PTPRD: variants seen among roughly 807,000 people sequenced by gnomAD.
PTPRD encodes the protein protein tyrosine phosphatase receptor type D.
PTPRD carries 34 observed loss-of-function variants against 214.5 expected under a neutral mutation model. The ratio of observed to expected loss-of-function variants is 0.16; its 90% CI spans 0.12 to 0.21. The LOEUF (loss-of-function observed/expected upper bound fraction) is 0.21. PTPRD is among the 10% of genes least tolerant of loss of function. The pLI, the probability that PTPRD is intolerant of heterozygous loss-of-function variation, is 1.00. For missense variants in PTPRD, 2,545 were observed against 2,398.7 expected, an observed-to-expected ratio of 1.06 and a Z score of -1.27; for synonymous variants, 1,128 against 845.7, an observed-to-expected ratio of 1.33 and a Z score of -5.79.
At chr9:10,044,340 T>C (rs2097351335) in intron 3 of PTPRD, among the ~76,000 whole-genome samples, 1 of 151,810 alleles carries the variant, frequency 6.6e-6, no homozygotes, top group South Asian at 2.1e-4. Context: ...TTCTTTATAT[T>C]TAAAAATTGT....
intron 12 of PTPRD, among the ~76,000 whole-genome samples, chr9:8,694,107 G>C (rs1251822389): frequency 2.6e-5 from 4 of 152,176 alleles, no homozygotes; most frequent in Non-Finnish European, 5.9e-5. Context: ...GTGAAAACAT[G>C]ATTTAACAAT....
intron 11 of PTPRD, among the ~76,000 whole-genome samples, chr9:8,948,529 ATT>A (rs1225701144): frequency 2.1e-5 from 1 of 47,128 alleles, no homozygotes; most frequent in African/African-American, 7.2e-5. Context: ...TTATATATAT[ATT>A]TATATATATA....
rs564337274 is a variant in PTPRD at position 9,690,800 on chromosome 9, C to T, written c.-287+43733G>A. Among the ~76,000 whole-genome samples the T allele has an allele frequency of 2.6e-5, 4 of 151,926 alleles. No individual in the cohort carries two copies. The South Asian group carries it at 6.2e-4, about 24-fold the overall frequency. ...AAATGTGTGGACTTATTTCTGGTCT[C>T]TATTCTGTTTCATTGGTGTATGTGT... On this transcript the variant is annotated intron_variant, in intron 7 of 45. Transcript: ENST00000381196.
At chr9:8,918,056 A>T (rs959661287) in intron 11 of PTPRD, among the ~76,000 whole-genome samples, 2 of 152,182 alleles carry the variant, frequency 1.3e-5, no homozygotes, top group Non-Finnish European at 2.9e-5. Context: ...TTAAGGGGAC[A>T]TCTGTTGGGA....
At chr9:9,429,081 C>T (rs1218490059) in intron 8 of PTPRD, among the ~76,000 whole-genome samples, 2 of 151,930 alleles carry the variant, frequency 1.3e-5, no homozygotes, top group African/African-American at 2.4e-5. Flanking sequence ...AAAAGAGACA[C>T]AAAAAACCCT....
chr9:9,154,341 C>A (rs866185691), intron 10 of PTPRD, among the ~76,000 whole-genome samples: 8 of 152,268 alleles, frequency 5.3e-5, no homozygotes, highest in Admixed American at 6.5e-5. Flanking sequence ...CATTTGTTTT[C>A]TCACACTTTT....
chr9:9,652,374 G>T (rs560109005), intron 7 of PTPRD, among the ~76,000 whole-genome samples: 22 of 152,246 alleles, frequency 1.4e-4, no homozygotes, highest in African/African-American at 5.3e-4. Context: ...ATGTAATTAT[G>T]TGTCCTTTTA....
chr9:9,798,081 G>A (rs1000528086), intron 5 of PTPRD, among the ~76,000 whole-genome samples: 5 of 151,940 alleles, frequency 3.3e-5, no homozygotes, highest in Non-Finnish European at 5.9e-5. Flanking sequence ...GACAAGGAAG[G>A]GAAATAAAAC....
chr9:10,257,081 A>C (rs2093340332), intron 3 of PTPRD, among the ~76,000 whole-genome samples: 1 of 152,024 alleles, frequency 6.6e-6, no homozygotes, highest in South Asian at 2.1e-4. Flanking sequence ...TACAGACAAA[A>C]AATGTTAATT....
intron 14 of PTPRD, among the ~76,000 whole-genome samples, chr9:8,579,893 A>G (rs1467435465): frequency 6.6e-6 from 1 of 152,192 alleles, no homozygotes; most frequent in Non-Finnish European, 1.5e-5. Flanking sequence ...CCTGGTGACC[A>G]GGCTAAACAG....
chr9:10,364,717 G>C (rs773079540), intron 2 of PTPRD, among the ~76,000 whole-genome samples: 8 of 152,072 alleles, frequency 5.3e-5, no homozygotes, highest in Non-Finnish European at 1.0e-4. Context: ...CAGGGAAGTG[G>C]GGCATGGTCT....
rs979750595 is a variant in PTPRD at position 10,612,802 on chromosome 9, G to A, written c.-822C>T. Reference sequence around the variant, plus strand: ...CGGGCTGGGAGGGGAGCGCAGGGTTGGGGAGGCCGATGAGCGGCTCCCGGC... The same window carrying A: ...CGGGCTGGGAGGGGAGCGCAGGGTTAGGGAGGCCGATGAGCGGCTCCCGGC... On this transcript the variant is annotated 5_prime_UTR_variant, in exon 1 of 46. Transcript: ENST00000381196. 6.6e-6 allele frequency: 1 copy of A among 152,192 alleles called. No homozygotes were observed. Among genetic ancestry groups the A allele is most frequent in the Non-Finnish European group, 1.5e-5 (1 of 68,108 alleles). The allele number at this position is 152,192 out of a possible 1,614,324, so 9.4% of individuals were successfully genotyped here.
At chr9:8,763,230 G>A (rs1439012986) in intron 11 of PTPRD, among the ~76,000 whole-genome samples, 1 of 152,286 alleles carries the variant, frequency 6.6e-6, no homozygotes, top group East Asian at 1.9e-4. Context: ...AATAATGGTA[G>A]GCCAGGGATA....
At chr9:9,026,200 G>C (rs1488687696) in intron 10 of PTPRD, among the ~76,000 whole-genome samples, 2 of 151,896 alleles carry the variant, frequency 1.3e-5, no homozygotes, top group African/African-American at 4.8e-5. Flanking sequence ...ACAAGGAAGG[G>C]GTAAAGACCT....
At chr9:10,465,717 G>C (rs2098988951) in intron 2 of PTPRD, among the ~76,000 whole-genome samples, 1 of 152,184 alleles carries the variant, frequency 6.6e-6, no homozygotes, top group African/African-American at 2.4e-5. Flanking sequence ...TTGTAGCCTA[G>C]AAGAACCAGG....
chr9:10,051,129 C>T (rs887719914), intron 3 of PTPRD, among the ~76,000 whole-genome samples: 1 of 152,024 alleles, frequency 6.6e-6, no homozygotes, highest in African/African-American at 2.4e-5. Flanking sequence ...TAATATATTA[C>T]TTTCTACAAG....
chr9:9,672,200 T>C (rs1282183860), intron 7 of PTPRD, among the ~76,000 whole-genome samples: 1 of 152,202 alleles, frequency 6.6e-6, no homozygotes, highest in Non-Finnish European at 1.5e-5. Flanking sequence ...TATGATTCCA[T>C]ATTAAAACCA....
chr9:9,401,335 CCT>C lies in PTPRD; in HGVS notation c.-236-3855_-236-3854del, dbSNP rs1241900680. ...ATACACAAGTAATCAGAGAAATCCC[CCT>C]CTTTTCTAATTACATCAGATTTCTC... On this transcript the variant is annotated intron_variant, in intron 8 of 45. Coordinates refer to ENST00000381196, the MANE Select transcript of PTPRD (RefSeq NM_002839.4). 8.5e-5 allele frequency among the ~76,000 whole-genome samples: 13 copies of C among 152,068 alleles called. No individual in the cohort carries two copies. In the Middle Eastern group the frequency reaches 0.01, roughly 119 times the overall value.
At chr9:9,628,721 T>G (rs1436822738) in intron 7 of PTPRD, among the ~76,000 whole-genome samples, 2 of 152,112 alleles carry the variant, frequency 1.3e-5, no homozygotes, top group East Asian at 3.9e-4. Flanking sequence ...AATGACTATT[T>G]ATTAACTATC....
Sources: allele counts gnomAD v4.1 joint callset (sites outside exome capture counted in the v4.1 genomes callset), GRCh38; gene constraint gnomAD v4.1.1; transcripts MANE v1.5; gene names NCBI Gene and HGNC (gene_info 2026-07-23, HGNC 2026-07-21).